The following ZFR variants were observed in gnomAD, a reference collection of about 807,000 sequenced individuals.
The protein encoded by ZFR is zinc finger RNA-binding protein.
A neutral mutation model predicts 130.7 loss-of-function variants in ZFR; 19 were observed. The observed-to-expected ratio is 0.15, with a 90% CI of 0.10 to 0.21. The LOEUF is 0.21. Ranked by LOEUF, ZFR falls within the 10% of genes least tolerant of loss-of-function variation. The probability of loss-of-function intolerance (pLI) is 1.00; values close to 1 mark genes in which losing one functional copy is unlikely to be tolerated. For synonymous variants in ZFR, 466 were observed against 456.9 expected (o/e 1.02, Z -0.25); for missense variants, 872 against 1,321.5 (o/e 0.66, Z 5.27).
At chr5:32,402,620 A>AAAAAAAAAC (rs1404937187) in intron 8 of ZFR, among the ~76,000 whole-genome samples, 2 of 151,644 alleles carry the variant, frequency 1.3e-5, no homozygotes, top group South Asian at 2.1e-4. Context: ...AAAGAAAAAA[A>AAAAAAAAAC]AAAAAAAACT....
intron 2 of ZFR, among the ~76,000 whole-genome samples, chr5:32,433,559 A>G (rs529952730): frequency 5.8e-4 from 88 of 152,168 alleles, no homozygotes; most frequent in African/African-American, 2.0e-3. Context: ...AATCCATAAA[A>G]ATTTTTTCTG....
Position 32,390,362 on chromosome 5 carries a change from T to C in ZFR, c.2055A>G (p.Pro685=). 1 of 1,614,212 alleles carries C rather than the reference T, an allele frequency of 6.2e-7. No homozygotes were observed. The highest frequency in any genetic ancestry group is 8.5e-7 in the Non-Finnish European group (1 of 1,180,022). Residue 685 remains proline (P), a synonymous_variant, in exon 12 of 20, where the codon CCA becomes CCG. Transcript: ENST00000265069. ...QHHWDDRRRM[P]DGGYPHGPPG... is the part of the protein sequence containing the mutation. ...GAGGACCATGAGGATAACCTCCATCTGGCATTCGGCGGCGATCATCCCAAT... is the reference window on the plus strand; with the variant it reads ...GAGGACCATGAGGATAACCTCCATCCGGCATTCGGCGGCGATCATCCCAAT...
intron 17 of ZFR, 77 bp from the exon 18 acceptor site, chr5:32,364,352 T>C (rs889644045): frequency 1.7e-6 from 2 of 1,188,082 alleles, no homozygotes; most frequent in African/African-American, 1.6e-5. Flanking sequence ...TTTTAAAGAC[T>C]GAAAAAATTT....
rs745841891 is a variant in ZFR at position 32,385,649 on chromosome 5, C to A, written c.2500G>T (p.Val834Phe). 7 of 1,612,216 alleles carry A rather than the reference C, an allele frequency of 4.3e-6. No homozygotes were observed. ...ATGTCATACTTCTCAGGGCTTATAACCTGTGTAATGAAGATGATAAGAAAC... is the reference window on the plus strand; with the variant it reads ...ATGTCATACTTCTCAGGGCTTATAAACTGTGTAATGAAGATGATAAGAAAC... ...IAENLPKQLA[V>F]ISPEKYDIKC... The change falls in exon 15 of 20, where the codon GTT becomes TTT. Residue 834 changes from valine to phenylalanine, a missense_variant and splice_region_variant. By Grantham distance (50) the Val-to-Phe change is conservative. Around this residue, in one of 7 missense-constraint regions of ZFR, gnomAD observed 225 missense variants for 282.4 expected, o/e 0.80. Transcript: ENST00000265069.
At chr5:32,362,713 A>C (rs544052503) in intron 19 of ZFR, among the ~76,000 whole-genome samples, 37 of 152,314 alleles carry the variant, frequency 2.4e-4, no homozygotes, top group African/African-American at 8.7e-4. Context: ...TTACGTCATG[A>C]GTGCTACATA....
At chr5:32,437,367 G>C (rs1754362231) in intron 2 of ZFR, among the ~76,000 whole-genome samples, 1 of 151,904 alleles carries the variant, frequency 6.6e-6, no homozygotes, top group African/African-American at 2.4e-5. Context: ...CCCTACAAAT[G>C]CACTTTAATA....
chr5:32,395,461 A>G (rs1753281751), intron 10 of ZFR, among the ~76,000 whole-genome samples, 157 bp from the exon 11 acceptor site: 1 of 152,224 alleles, frequency 6.6e-6, no homozygotes, highest in Non-Finnish European at 1.5e-5. Context: ...TAAATCAGAG[A>G]AAAGATTCAA....
chr5:32,390,389 ATGT>A lies in ZFR; in HGVS notation c.2025_2027del (p.Gln675del), dbSNP rs758711211. 6 of 1,613,994 alleles carry A rather than the reference ATGT, an allele frequency of 3.7e-6. No individual in the cohort carries two copies. The highest frequency in any genetic ancestry group is 2.7e-5 in the African/African-American group (2 of 74,912). On this transcript the variant is annotated inframe_deletion, in exon 12 of 20. Transcript: ENST00000265069. The stretch of plus-strand genomic sequence containing the variant: ...GCATTCGGCGGCGATCATCCCAATG[ATGT>A]TGTTCTTCCTCCATTCTCCTCCAGT...
chr5:32,438,326 C>T (rs1327904312), intron 2 of ZFR, among the ~76,000 whole-genome samples: 2 of 129,894 alleles, frequency 1.5e-5, no homozygotes, highest in Non-Finnish European at 3.1e-5. Context: ...TGCAATGGCG[C>T]GATCTTGGCT....
At chr5:32,422,545 C>T (rs9292461) in intron 2 of ZFR, among the ~76,000 whole-genome samples, 3,993 of 152,046 alleles carry the variant, frequency 0.026, 187 homozygotes, top group African/African-American at 0.092. Flanking sequence ...ACCAGTAATC[C>T]CAGCACTTTG....
intron 17 of ZFR, 136 bp downstream of exon 17, chr5:32,378,979 A>G (rs961145418): frequency 1.7e-6 from 1 of 599,458 alleles, no homozygotes; most frequent in South Asian, 2.7e-5. Flanking sequence ...AGACTCCCCC[A>G]GGATTTTTCA....
chr5:32,378,489 T>G (rs1752872454), intron 17 of ZFR, among the ~76,000 whole-genome samples: 1 of 152,188 alleles, frequency 6.6e-6, no homozygotes, highest in Non-Finnish European at 1.5e-5. Flanking sequence ...GTTGTTTTAT[T>G]TTTTGATGAA....
At chr5:32,396,638 G>A (rs111620975) in intron 10 of ZFR, among the ~76,000 whole-genome samples, 2,858 of 151,988 alleles carry the variant, frequency 0.019, 85 homozygotes, top group African/African-American at 0.066. Flanking sequence ...CTCGGGAGGC[G>A]GAGACAGGAG....
intron 2 of ZFR, among the ~76,000 whole-genome samples, chr5:32,429,263 G>C (rs892881385): frequency 7.9e-5 from 12 of 152,170 alleles, no homozygotes; most frequent in Non-Finnish European, 8.8e-5. Context: ...TGGGATTACA[G>C]GCTTGAGCCA....
chr5:32,376,617 GA>G (rs1377234747), intron 17 of ZFR, among the ~76,000 whole-genome samples: 5 of 134,422 alleles, frequency 3.7e-5, no homozygotes, highest in South Asian at 4.8e-4. Context: ...CAAAAAAAAA[GA>G]AAAAAAAAAG....
intron 2 of ZFR, among the ~76,000 whole-genome samples, chr5:32,434,393 C>G (rs145315277): frequency 6.4e-4 from 98 of 152,288 alleles, no homozygotes; most frequent in Non-Finnish European, 1.1e-3. Context: ...AAACATTTTC[C>G]TGTGTCAACT....
At chr5:32,406,153 G>A (rs530191861) in intron 6 of ZFR, among the ~76,000 whole-genome samples, 58 of 152,074 alleles carry the variant, frequency 3.8e-4, no homozygotes, top group Non-Finnish European at 7.4e-4. Context: ...ATAATCACCC[G>A]TTTTAATGTT....
intron 4 of ZFR, 120 bp downstream of exon 4, chr5:32,417,528 C>G: frequency 8.0e-7 from 1 of 1,253,034 alleles, no homozygotes; most frequent in Non-Finnish European, 1.1e-6. Context: ...GGTCTAGAAC[C>G]TGCCTCCTAA....
At chr5:32,362,473 C>G (rs1399459528) in intron 19 of ZFR, among the ~76,000 whole-genome samples, 1 of 152,212 alleles carries the variant, frequency 6.6e-6, no homozygotes, top group Admixed American at 6.5e-5. Flanking sequence ...GAAATTGACA[C>G]TGGTACTTCA....
Sources: gnomAD v4.1 joint callset for allele counts (sites outside exome capture counted in the v4.1 genomes callset) on GRCh38, gnomAD v4.1.1 for gene constraint, gnomAD v4.1.1 regional missense constraint, MANE v1.5 for transcripts, NCBI Gene and HGNC (gene_info 2026-07-23, HGNC 2026-07-21) for gene names.